PHF19: variants seen among roughly 807,000 people sequenced by gnomAD.
The protein encoded by PHF19 is polycomb like 3.
PHF19 carries 21 observed loss-of-function variants against 79.8 expected under a neutral mutation model. That is an observed-to-expected ratio of 0.26 (90% confidence interval 0.19 to 0.38). PHF19 has a LOEUF of 0.38. Among genes scored for constraint, PHF19 ranks in the 10% least tolerant of loss-of-function variants. The pLI is 1.00. For synonymous variants in PHF19, 273 were observed against 296.3 expected (o/e 0.92, Z 0.81); for missense variants, 445 against 744.2 (o/e 0.60, Z 4.68).
At position 120,858,193 on chromosome 9, in the gene PHF19, G is replaced by A. The variant is rs745360077; in HGVS notation, c.1494C>T (p.Cys498=). Residue 498 remains cysteine (C), a synonymous_variant, in exon 15 of 15, where the codon TGC becomes TGT. Coordinates refer to ENST00000373896, the MANE Select transcript of PHF19 (RefSeq NM_015651.3). ...CCCCCTCTGCACTGCTGTCCGAGGG[G>A]CAGCGTCCATCCAGCTCAGCTGCCC... The part of the protein sequence containing the change: ...KRWAAELDGR[C]PSDSSAEGAS... The A allele has an allele frequency of 6.3e-7, 1 of 1,598,616 alleles. No individual in the cohort carries two copies. The highest frequency in any genetic ancestry group is 1.1e-5 in the South Asian group (1 of 90,256).
Position 120,870,092 on chromosome 9 carries a change from C to A in PHF19, c.365-147G>T. 8.7e-7 allele frequency: 1 copy of A among 1,153,700 alleles called. No individual in the cohort carries two copies. The highest frequency in any genetic ancestry group is 1.2e-6 in the Non-Finnish European group (1 of 825,112). 71.5% of individuals were successfully genotyped at this position (1,153,700 alleles called of 1,614,324 possible). A position where few individuals can be genotyped will look rare whatever the true frequency, so the allele number is the denominator to read the frequency against. On this transcript the variant is annotated intron_variant, in intron 4 of 14. Transcript: ENST00000373896. This position sits in a 1 kb window ranked among gnomAD's most constrained non-coding sequence, Gnocchi z 4.4. ...CGGGAGCCTGGCTGCTGGTGCCCAC[C>A]AAGATGGCCAAGTCAGTGTCCAGGC...
At chr9:120,896,451 CTTTTTTT>C (rs71370604), upstream of PHF19, among the ~76,000 whole-genome samples, 1 of 82,712 alleles carries the variant, frequency 1.2e-5, no homozygotes, top group Non-Finnish European at 2.3e-5. Flanking sequence ...TTTTTTTTTT[CTTTTTTT>C]TTTTTTTTTT....
At position 120,858,151 on chromosome 9, in the gene PHF19, C is replaced by A; in HGVS notation, c.1536G>T (p.Arg512=). ...SSAEGASVPE[R]PDEGIDSHTF... ...TGTGGCTGTCAATGCCTTCGTCTGG[C>A]CGCTCGGGGACTGAAGCCCCCTCTG... is the stretch of plus-strand genomic sequence containing the variant. Residue 512 remains arginine (R), a synonymous_variant, in exon 15 of 15, where the codon CGG becomes CGT. Transcript: ENST00000373896. 1 of 1,613,474 alleles carries A rather than the reference C, an allele frequency of 6.2e-7. No individual in the cohort carries two copies. Among genetic ancestry groups the A allele is most frequent in the Non-Finnish European group, 8.5e-7 (1 of 1,179,452 alleles).
chr9:120,881,825 G>A (rs1253941913), upstream of PHF19, among the ~76,000 whole-genome samples: 3 of 152,170 alleles, frequency 2.0e-5, no homozygotes, highest in Non-Finnish European at 2.9e-5. Context: ...GCAGTGGCAC[G>A]ATCTCGGCTC....
upstream of PHF19, among the ~76,000 whole-genome samples, chr9:120,877,654 TGGCGCAGACACAGACCCA>T (rs1450218999): frequency 1.3e-5 from 2 of 152,168 alleles, no homozygotes; most frequent in African/African-American, 4.8e-5. Context: ...CGCGGACCCT[TGGCGCAGACACAGACCCA>T]GGACGCCCAA....
At chr9:120,885,649 A>G (rs971467005) in intron 1 of PHF19, among the ~76,000 whole-genome samples, 3 of 151,720 alleles carry the variant, frequency 2.0e-5, no homozygotes, top group African/African-American at 7.3e-5. Flanking sequence ...ATTCAAGATG[A>G]AGTAGTAAAT....
At chr9:120,898,672 G>C (rs2046419625), upstream of PHF19, among the ~76,000 whole-genome samples, 2 of 152,150 alleles carry the variant, frequency 1.3e-5, no homozygotes, top group African/African-American at 4.8e-5. Context: ...TGGACTTAAG[G>C]GTTTGAACCT....
chr9:120,860,281 C>T lies in PHF19; in HGVS notation c.1305-96G>A. ...TTCCCCTAACATGCATCCTTCATCC[C>T]AGTGGAGGCCCGTCTTCCCACAGCT... On this transcript the variant is annotated intron_variant, in intron 13 of 14. Coordinates refer to ENST00000373896, the MANE Select transcript of PHF19 (RefSeq NM_015651.3). The surrounding 1 kb of genome is among the most constrained non-coding windows in gnomAD (Gnocchi z 4.1). The T allele has an allele frequency of 2.9e-6, 2 of 695,534 alleles. No homozygotes were observed. Among genetic ancestry groups the T allele is most frequent in the South Asian group, 3.1e-5 (2 of 65,406 alleles). 43.1% of individuals were successfully genotyped at this position (695,534 alleles called of 1,614,324 possible). A position where few individuals can be genotyped will look rare whatever the true frequency, so the allele number is the denominator to read the frequency against.
At chr9:120,858,813 A>ACT (rs1554816161) in intron 14 of PHF19, among the ~76,000 whole-genome samples, 3 of 110,826 alleles carry the variant, frequency 2.7e-5, no homozygotes, top group East Asian at 4.6e-4. Flanking sequence ...GACAGACATC[A>ACT]CACACACACA....
In PHF19 at chr9:120,863,013, C is replaced by G. The variant is rs1400913648; in HGVS notation, c.969-264G>C. ...CTCTTCTCCCTTTTGTTTGCCTCAACCAGCCCCAAGGCCACCTCCTGCAGG... is the reference window on the plus strand; with the variant it reads ...CTCTTCTCCCTTTTGTTTGCCTCAAGCAGCCCCAAGGCCACCTCCTGCAGG... On this transcript the variant is annotated intron_variant, in intron 10 of 14. Transcript: ENST00000373896. The G allele has an allele frequency of 1.4e-5, 6 of 444,028 alleles. No homozygotes were observed. In the East Asian group the frequency reaches 2.6e-4, roughly 20 times the overall value. 27.5% of individuals were successfully genotyped at this position (444,028 alleles called of 1,614,324 possible).
chr9:120,865,788 C>T lies in PHF19; in HGVS notation c.822G>A (p.Gln274=). 1 of 1,614,200 alleles carries T rather than the reference C, an allele frequency of 6.2e-7. No homozygotes were observed. Among genetic ancestry groups the T allele is most frequent in the Non-Finnish European group, 8.5e-7 (1 of 1,180,022 alleles). Residue 274 remains glutamine, a synonymous_variant, in exon 9 of 15, where the codon CAG becomes CAA. Coordinates refer to ENST00000373896, the MANE Select transcript of PHF19 (RefSeq NM_015651.3). The stretch of plus-strand genomic sequence containing the variant: ...CAAAGTCAAAGTACTTCTTCTTGCT[C>T]TGTACCCCCAGATTATAGAGGGCCA... ...VHLALYNLGV[Q]SKKKYFDFEE... is the part of the protein sequence containing the mutation.
chr9:120,873,313 T>A (rs991627500), intron 3 of PHF19, among the ~76,000 whole-genome samples: 3 of 152,186 alleles, frequency 2.0e-5, no homozygotes, highest in Non-Finnish European at 4.4e-5. Context: ...GTTGTGTGTA[T>A]GGGAAGGGAG....
Position 120,874,140 on chromosome 9 carries a change from T to C in PHF19, c.187-80A>G. 1.3e-6 allele frequency: 1 copy of C among 765,374 alleles called. No individual in the cohort carries two copies. 47.4% of individuals were successfully genotyped at this position (765,374 alleles called of 1,614,324 possible). ...GGAACATAGTCTTCCTCCCCCATTT[T>C]TGTCTCCGTATGTTCCAGAAAGCAG... On this transcript the variant is annotated intron_variant, in intron 2 of 14. Transcript: ENST00000373896. This position sits in a 1 kb window ranked among gnomAD's most constrained non-coding sequence, Gnocchi z 4.5.
chr9:120,867,026 G>T, intron 6 of PHF19, 61 bp from the exon 7 acceptor site: 2 of 966,864 alleles, frequency 2.1e-6, no homozygotes, highest in South Asian at 2.6e-5. Context: ...TATGAGCTTC[G>T]GCAACCTTTC....
chr9:120,892,074 T>A (rs1309587959), intron 1 of PHF19, among the ~76,000 whole-genome samples: 1 of 152,184 alleles, frequency 6.6e-6, no homozygotes, highest in East Asian at 1.9e-4. Context: ...GTCAAGTCCC[T>A]CTTTTTTAAA....
chr9:120,896,903 C>T (rs1037977291), upstream of PHF19, among the ~76,000 whole-genome samples: 3 of 152,174 alleles, frequency 2.0e-5, no homozygotes, highest in Non-Finnish European at 4.4e-5. Flanking sequence ...AGGTATAACA[C>T]GCCCCCACTG....
intron 1 of PHF19, among the ~76,000 whole-genome samples, chr9:120,876,825 C>G (rs1241532006): frequency 2.0e-5 from 3 of 152,180 alleles, no homozygotes; most frequent in Non-Finnish European, 2.9e-5. Context: ...GTCCTTCCCC[C>G]ACCCCGATAG....
chr9:120,899,914 T>C, the PHF19 span, among the ~76,000 whole-genome samples: 2 of 152,212 alleles, frequency 1.3e-5, no homozygotes, highest in Non-Finnish European at 2.9e-5. Flanking sequence ...AAAACAGTTG[T>C]GATCATTTCA....
chr9:120,883,446 G>T (rs865983693), intron 1 of PHF19, among the ~76,000 whole-genome samples: 1 of 152,200 alleles, frequency 6.6e-6, no homozygotes. Context: ...TGAATAAGAT[G>T]CAGCCTTTGA....
Sources: allele counts gnomAD v4.1 joint callset (sites outside exome capture counted in the v4.1 genomes callset), GRCh38; gene constraint gnomAD v4.1.1; non-coding constraint Gnocchi (gnomAD v3.1); transcripts MANE v1.5; gene names NCBI Gene and HGNC (gene_info 2026-07-23, HGNC 2026-07-21).